Variants in SCN10A observed in about 807,000 individuals in gnomAD.
SCN10A encodes sodium voltage-gated channel alpha subunit 10, also known as sodium channel protein type 10 subunit alpha.
A neutral mutation model predicts 170.7 loss-of-function variants in SCN10A; 162 were observed. The ratio of observed to expected loss-of-function variants is 0.95; its 90% CI spans 0.84 to 1.08. The LOEUF (loss-of-function observed/expected upper bound fraction) is 1.08. Among genes scored for constraint, SCN10A ranks in the 50% least tolerant of loss-of-function variants. SCN10A has a pLI of 0.00. For synonymous variants in SCN10A, 985 were observed against 904.6 expected (o/e 1.09, Z -1.59); for missense variants, 2,527 against 2,436.9 (o/e 1.04, Z -0.78).
rs1420480956 is a variant in SCN10A at position 38,775,672 on chromosome 3, T to C, written c.471-4265A>G. 2.6e-5 allele frequency among the ~76,000 whole-genome samples: 4 copies of C among 152,190 alleles called. No individual in the cohort carries two copies. The East Asian group carries it at 7.7e-4, about 29-fold the overall frequency. ...TCCCATATATATAGTGAAGATATGC[T>C]GACAACTTACTTATTCATAGTTTTG... On this transcript the variant is annotated intron_variant, in intron 4 of 27. Transcript: ENST00000449082.
At chr3:38,795,299 G>A (rs1044191559) in intron 1 of SCN10A, among the ~76,000 whole-genome samples, 3 of 151,734 alleles carry the variant, frequency 2.0e-5, no homozygotes, top group Admixed American at 6.6e-5. Context: ...CTAAAGTCAG[G>A]GGGCCCTTCT....
chr3:38,748,343 C>T (rs1349301150), intron 13 of SCN10A, among the ~76,000 whole-genome samples: 6 of 152,070 alleles, frequency 3.9e-5, no homozygotes, highest in African/African-American at 9.7e-5. Flanking sequence ...AGTCTGTACA[C>T]GTTGTTGTTG....
At chr3:38,704,149 A>G (rs964983567) in intron 26 of SCN10A, among the ~76,000 whole-genome samples, 1 of 152,152 alleles carries the variant, frequency 6.6e-6, no homozygotes, top group African/African-American at 2.4e-5. Flanking sequence ...CTGCACAGCA[A>G]GCAGAGGGGG....
At chr3:38,760,532 C>A in intron 8 of SCN10A, 149 bp downstream of exon 8, 1 of 660,622 alleles carries the variant, frequency 1.5e-6, no homozygotes, top group Non-Finnish European at 2.7e-6. Context: ...ATTCCCTCCC[C>A]ATGAGCTCTG....
At chr3:38,706,158 T>C (rs1406567173) in intron 26 of SCN10A, among the ~76,000 whole-genome samples, 1 of 152,232 alleles carries the variant, frequency 6.6e-6, no homozygotes, top group African/African-American at 2.4e-5. Flanking sequence ...TATTTCAAAA[T>C]ACAGTGTCAA....
Position 38,714,857 on chromosome 3 carries a change from AG to A in SCN10A, c.3682-778del, listed in dbSNP as rs535767766. Among the ~76,000 whole-genome samples the A allele has an allele frequency of 7.7e-4, 118 of 152,346 alleles. 1 individual carries two copies. Among genetic ancestry groups the A allele is most frequent in the Middle Eastern group, 6.8e-3 (2 of 294 alleles). ...AAAGTTCCCCTGCTAGGAACTTTGA[AG>A]GTGCCAGGGAGATGTCATAGATACG... On this transcript the variant is annotated intron_variant, in intron 21 of 27. Transcript: ENST00000449082.
At position 38,697,969 on chromosome 3, in the gene SCN10A, A is replaced by T. The variant is rs1472102301; in HGVS notation, c.5251T>A (p.Phe1751Ile). The change falls in exon 28 of 28, where the codon TTT (phenylalanine) becomes ATT (isoleucine). Residue 1751 changes from phenylalanine (F) to isoleucine (I), a missense_variant. By Grantham distance (21) the Phe-to-Ile change is conservative. Coordinates refer to ENST00000449082, the MANE Select transcript of SCN10A (RefSeq NM_006514.4). ...FDMFYETWEK[F>I]DPEATQFITF... is the part of the protein sequence containing the mutation. ...ATAAACTGAGTGGCCTCTGGGTCAA[A>T]CTTCTCCCAGGTCTCATAGAACATG... 1 of 1,614,132 alleles carries T rather than the reference A, an allele frequency of 6.2e-7. No homozygotes were observed.
intron 1 of SCN10A, among the ~76,000 whole-genome samples, chr3:38,796,684 T>C (rs2064343312): frequency 6.6e-6 from 1 of 152,204 alleles, no homozygotes; most frequent in African/African-American, 2.4e-5. Context: ...CTTTATTTTG[T>C]CTGGCTAATC....
chr3:38,785,779 T>C (rs2064193137), intron 4 of SCN10A, among the ~76,000 whole-genome samples: 1 of 152,044 alleles, frequency 6.6e-6, no homozygotes, highest in Non-Finnish European at 1.5e-5. Flanking sequence ...CTTAAACAAA[T>C]TTACAAGAAA....
chr3:38,782,420 C>T (rs1412622873), intron 4 of SCN10A, among the ~76,000 whole-genome samples: 1 of 152,058 alleles, frequency 6.6e-6, no homozygotes, highest in Non-Finnish European at 1.5e-5. Context: ...CACTTTTGGT[C>T]TTCCAAGTGT....
intron 25 of SCN10A, among the ~76,000 whole-genome samples, 187 bp from the exon 26 acceptor site, chr3:38,707,570 T>C (rs898638606): frequency 6.6e-6 from 1 of 152,200 alleles, no homozygotes; most frequent in African/African-American, 2.4e-5. Flanking sequence ...GTTCCATTGC[T>C]GACTCCCTGC....
intron 27 of SCN10A, among the ~76,000 whole-genome samples, chr3:38,701,557 CCT>C (rs1400768964): frequency 2.6e-5 from 4 of 152,164 alleles, no homozygotes; most frequent in African/African-American, 9.7e-5. Context: ...GTGATTATTC[CCT>C]GTCAGCCCCT....
At chr3:38,738,133 G>A (rs565844486) in intron 15 of SCN10A, among the ~76,000 whole-genome samples, 25 of 151,990 alleles carry the variant, frequency 1.6e-4, no homozygotes, top group African/African-American at 3.6e-4. Context: ...TAGAGACGGG[G>A]TTTCACCATG....
At chr3:38,742,999 C>T (rs980733726) in intron 13 of SCN10A, among the ~76,000 whole-genome samples, 2 of 152,184 alleles carry the variant, frequency 1.3e-5, no homozygotes, top group African/African-American at 4.8e-5. Flanking sequence ...CTTACCAACC[C>T]TCCTAGAGAT....
chr3:38,726,290 G>A (rs1268644702), intron 17 of SCN10A, among the ~76,000 whole-genome samples: 1 of 152,136 alleles, frequency 6.6e-6, no homozygotes, highest in Non-Finnish European at 1.5e-5. Flanking sequence ...CCTGTTCTTA[G>A]AGAAATCTCA....
At chr3:38,815,211 C>T (rs891078610) in intron 1 of SCN10A, among the ~76,000 whole-genome samples, 8 of 152,304 alleles carry the variant, frequency 5.3e-5, no homozygotes, top group Admixed American at 3.9e-4. Context: ...TTGGTCTTGC[C>T]TGTTGTCACC....
At chr3:38,719,614 C>T (rs980334449) in intron 20 of SCN10A, among the ~76,000 whole-genome samples, 6 of 151,818 alleles carry the variant, frequency 4.0e-5, no homozygotes, top group African/African-American at 1.5e-4. Context: ...GGGATGGTCT[C>T]GATCTCCTGA....
rs780018527 is a variant in SCN10A, at chr3:38,698,413, A to G, written c.4807T>C (p.Ser1603Pro). The G allele has an allele frequency of 1.2e-6, 2 of 1,614,198 alleles. No individual in the cohort carries two copies. The highest frequency in any genetic ancestry group is 1.7e-6 in the Non-Finnish European group (2 of 1,180,030). Residue 1603 changes from serine (S) to proline (P), a missense_variant, in exon 28 of 28, where the codon TCC becomes CCC. Coordinates refer to ENST00000449082, the MANE Select transcript of SCN10A (RefSeq NM_006514.4). Reference protein sequence around the residue: ...IRTLLFALMMSLPALFNIGLL... With the variant: ...IRTLLFALMMPLPALFNIGLL... Reference sequence around the variant, plus strand: ...CCGATGTTGAAGAGGGCAGGCAGGGACATCATGAGGGCAAAGAGCAGTGTG... The same window carrying G: ...CCGATGTTGAAGAGGGCAGGCAGGGGCATCATGAGGGCAAAGAGCAGTGTG...
Position 38,758,761 on chromosome 3 carries a change from C to CCACTCCCCCACTGCCTGGCT in SCN10A, c.951-1622_951-1603dup, listed in dbSNP as rs777633592. 2.0e-3 allele frequency among the ~76,000 whole-genome samples: 309 copies of CCACTCCCCCACTGCCTGGCT among 152,248 alleles called. 2 individuals are homozygous for CCACTCCCCCACTGCCTGGCT. Among genetic ancestry groups the CCACTCCCCCACTGCCTGGCT allele is most frequent in the Non-Finnish European group, 2.2e-3 (149 of 68,014 alleles). ...CCTCTCTCTGCCATCCCAGCCTGGT[C>CCACTCCCCCACTGCCTGGCT]CACTCCCCCACTGCCTGGCTGGCAC... On this transcript the variant is annotated intron_variant, in intron 8 of 27. Coordinates refer to ENST00000449082, the MANE Select transcript of SCN10A (RefSeq NM_006514.4).
Sources: gnomAD v4.1 joint callset for allele counts (sites outside exome capture counted in the v4.1 genomes callset) on GRCh38, gnomAD v4.1.1 for gene constraint, MANE v1.5 for transcripts, NCBI Gene and HGNC (gene_info 2026-07-23, HGNC 2026-07-21) for gene names.